SH3GL3: variants seen among roughly 807,000 people sequenced by gnomAD.
SH3GL3 encodes endophilin-A3.
Under a neutral mutation model 47.7 loss-of-function variants are expected in SH3GL3, and 33 were observed. The observed-to-expected ratio is 0.69, with a 90% CI of 0.52 to 0.92. SH3GL3 has a LOEUF of 0.92. Ranked by LOEUF, SH3GL3 falls within the 40% of genes least tolerant of loss-of-function variation. SH3GL3 has a pLI of 0.00. For synonymous variants in SH3GL3, 155 were observed against 148.8 expected (o/e 1.04, Z -0.30); for missense variants, 363 against 417.8 (o/e 0.87, Z 1.14).
At chr15:83,475,389 G>T (rs2041050257) in intron 1 of SH3GL3, among the ~76,000 whole-genome samples, 1 of 152,104 alleles carries the variant, frequency 6.6e-6, no homozygotes, top group Non-Finnish European at 1.5e-5. Context: ...CGAGACAGGA[G>T]AATCGTTTGA....
chr15:83,473,915 C>T lies in SH3GL3; in HGVS notation c.45+26337C>T, dbSNP rs531486817. On this transcript the variant is annotated intron_variant, in intron 1 of 8. Coordinates refer to ENST00000427482, the MANE Select transcript of SH3GL3 (RefSeq NM_003027.5). ...GTTGCTGGCTTCTTCAGCTCCAAAT[C>T]TTGGACACGTGAGGGAAAAAGAAAA... 1.7e-3 allele frequency among the ~76,000 whole-genome samples: 256 copies of T among 149,918 alleles called. 2 individuals carry two copies. Among genetic ancestry groups the T allele is most frequent in the Non-Finnish European group, 2.4e-3 (163 of 67,658 alleles).
chr15:83,552,473 G>A (rs181422851), intron 1 of SH3GL3, among the ~76,000 whole-genome samples: 298 of 152,094 alleles, frequency 2.0e-3, no homozygotes, highest in Non-Finnish European at 2.7e-3. Context: ...TAACTTAATT[G>A]CATTATGGTT....
chr15:83,533,415 A>G (rs369409766), intron 1 of SH3GL3, among the ~76,000 whole-genome samples: 70 of 152,314 alleles, frequency 4.6e-4, no homozygotes, highest in African/African-American at 1.6e-3. Context: ...GAGCTTCTGA[A>G]GACAAATCGG....
chr15:83,468,668 A>G (rs1443367390), intron 1 of SH3GL3, among the ~76,000 whole-genome samples: 1 of 152,172 alleles, frequency 6.6e-6, no homozygotes, highest in Non-Finnish European at 1.5e-5. Context: ...ATTGATTTTC[A>G]AAAACTGAAC....
chr15:83,559,668 C>T lies in SH3GL3; in HGVS notation c.114+347C>T, dbSNP rs146657521. 1.6e-3 allele frequency among the ~76,000 whole-genome samples: 242 copies of T among 152,276 alleles called. 1 individual carries two copies. Among genetic ancestry groups the T allele is most frequent in the Admixed American group, 5.8e-3 (89 of 15,298 alleles). ...GGAGAATCAAAATGTATTTCTGGGA[C>T]AAGATTTTTTGAAATGCAGAATGAT... On this transcript the variant is annotated intron_variant, in intron 2 of 8. Coordinates refer to ENST00000427482, the MANE Select transcript of SH3GL3 (RefSeq NM_003027.5).
At chr15:83,596,165 A>G (rs1052048823) in intron 8 of SH3GL3, among the ~76,000 whole-genome samples, 31 of 152,178 alleles carry the variant, frequency 2.0e-4, no homozygotes, top group African/African-American at 7.2e-4. Context: ...TCATTTCCAC[A>G]TATGTGGATA....
intron 1 of SH3GL3, among the ~76,000 whole-genome samples, chr15:83,480,185 TA>T (rs887292169): frequency 1.3e-5 from 2 of 152,168 alleles, no homozygotes; most frequent in South Asian, 2.1e-4. Flanking sequence ...GTTTTAGGGT[TA>T]AAAAAATCCT....
In SH3GL3 at chr15:83,597,010, A is replaced by G. The variant is rs199836877; in HGVS notation, c.838+8239A>G. On this transcript the variant is annotated intron_variant, in intron 8 of 8. Coordinates refer to ENST00000427482, the MANE Select transcript of SH3GL3 (RefSeq NM_003027.5). ...CATATCTATTGAATTTCTTACTCCAATTGTATTAGTTCTCTATTGATGCTG... is the reference window on the plus strand; with the variant it reads ...CATATCTATTGAATTTCTTACTCCAGTTGTATTAGTTCTCTATTGATGCTG... 7.2e-5 allele frequency among the ~76,000 whole-genome samples: 11 copies of G among 152,138 alleles called. No homozygotes were observed. The East Asian group carries it at 1.2e-3, about 16-fold the overall frequency.
chr15:83,581,860 C>T (rs1274623199), intron 6 of SH3GL3, among the ~76,000 whole-genome samples: 1 of 152,230 alleles, frequency 6.6e-6, no homozygotes, highest in Non-Finnish European at 1.5e-5. Flanking sequence ...AGACATTGAG[C>T]ATCTCTTCAC....
intron 1 of SH3GL3, among the ~76,000 whole-genome samples, chr15:83,473,976 C>A (rs1234756548): frequency 6.6e-6 from 1 of 151,882 alleles, no homozygotes; most frequent in Non-Finnish European, 1.5e-5. Flanking sequence ...TTCTTGGGTC[C>A]CAGGGTCCCA....
chr15:83,487,677 G>A (rs2041668059), intron 1 of SH3GL3, among the ~76,000 whole-genome samples: 1 of 151,958 alleles, frequency 6.6e-6, no homozygotes. Flanking sequence ...TGATACACTG[G>A]CCATTTGCAG....
At chr15:83,554,766 G>A (rs1431069115) in intron 1 of SH3GL3, among the ~76,000 whole-genome samples, 1 of 152,192 alleles carries the variant, frequency 6.6e-6, no homozygotes, top group Non-Finnish European at 1.5e-5. Context: ...GAAATCTGCT[G>A]TCAATCTTAT....
intron 1 of SH3GL3, among the ~76,000 whole-genome samples, chr15:83,464,988 TATAATAATA>T (rs143393694): frequency 0.019 from 2,750 of 141,518 alleles, 76 homozygotes; most frequent in African/African-American, 0.062. Flanking sequence ...GAACTTAAAG[TATAATAATA>T]ATAATAATAA....
At chr15:83,500,897 T>C (rs2042267000) in intron 1 of SH3GL3, among the ~76,000 whole-genome samples, 1 of 152,172 alleles carries the variant, frequency 6.6e-6, no homozygotes, top group South Asian at 2.1e-4. Flanking sequence ...GCACAATAAA[T>C]TGTCACTTTA....
chr15:83,485,220 G>C (rs888483389), intron 1 of SH3GL3, among the ~76,000 whole-genome samples: 1 of 152,094 alleles, frequency 6.6e-6, no homozygotes, highest in African/African-American at 2.4e-5. Context: ...TTTTTTTCTG[G>C]TAAGTGCTTA....
intron 1 of SH3GL3, among the ~76,000 whole-genome samples, chr15:83,512,017 T>C (rs970485324): frequency 2.0e-5 from 3 of 152,044 alleles, no homozygotes; most frequent in African/African-American, 4.8e-5. Context: ...CACTATAAAC[T>C]CACTGCAGTG....
At chr15:83,546,967 G>C (rs749801755) in intron 1 of SH3GL3, among the ~76,000 whole-genome samples, 2 of 152,150 alleles carry the variant, frequency 1.3e-5, no homozygotes, top group Non-Finnish European at 2.9e-5. Context: ...TTACAGAACT[G>C]TGAGCCGCAT....
chr15:83,529,555 C>T (rs1279802109), intron 1 of SH3GL3, among the ~76,000 whole-genome samples: 2 of 152,098 alleles, frequency 1.3e-5, no homozygotes, highest in Non-Finnish European at 2.9e-5. Flanking sequence ...TACTCAGGCA[C>T]TCAAGTCAGG....
intron 1 of SH3GL3, among the ~76,000 whole-genome samples, chr15:83,483,623 G>A (rs1342578560): frequency 1.3e-5 from 2 of 152,162 alleles, no homozygotes; most frequent in Non-Finnish European, 2.9e-5. Context: ...GCAGCAAGGG[G>A]AAATCTCTGG....
Sources: gnomAD v4.1 joint callset for allele counts (sites outside exome capture counted in the v4.1 genomes callset) on GRCh38, gnomAD v4.1.1 for gene constraint, MANE v1.5 for transcripts, NCBI Gene and HGNC (gene_info 2026-07-23, HGNC 2026-07-21) for gene names.